The following RARB variants were observed in gnomAD, a reference collection of about 807,000 sequenced individuals.
RARB encodes the protein retinoic acid receptor beta.
RARB carries 17 observed loss-of-function variants against 51.9 expected under a neutral mutation model. The observed-to-expected ratio is 0.33, with a 90% confidence interval of 0.22 to 0.49. The LOEUF is 0.49. Ranked by LOEUF, RARB falls within the 20% of genes least tolerant of loss-of-function variation. RARB has a pLI of 0.99. For missense variants in RARB, 369 were observed against 550.8 expected, an observed-to-expected ratio of 0.67 and a Z score of 3.30; for synonymous variants, 215 against 195.4, an observed-to-expected ratio of 1.10 and a Z score of -0.84.
chr3:25,552,694 G>A (rs7609566), intron 3 of RARB, among the ~76,000 whole-genome samples: 250 of 152,122 alleles, frequency 1.6e-3, no homozygotes, highest in African/African-American at 5.7e-3. Context: ...TACTGCACCC[G>A]TCTAAAATGA....
intron 5 of RARB, among the ~76,000 whole-genome samples, chr3:25,192,812 T>G (rs1701137004): frequency 6.6e-6 from 1 of 151,968 alleles, no homozygotes; most frequent in Admixed American, 6.6e-5. Flanking sequence ...GACATGGTCT[T>G]ACTCATAATT....
At chr3:24,908,284 T>A (rs565646980) in intron 2 of RARB, among the ~76,000 whole-genome samples, 1 of 152,306 alleles carries the variant, frequency 6.6e-6, no homozygotes, top group Non-Finnish European at 1.5e-5. Context: ...TGCCTGAAGA[T>A]AACCTCTGTG....
At chr3:25,428,969 C>A in intron 1 of RARB, 81 bp downstream of exon 1, 1 of 1,440,110 alleles carries the variant, frequency 6.9e-7, no homozygotes, top group Non-Finnish European at 9.3e-7. Context: ...TGGAAATAAA[C>A]TGCATTGGTA....
chr3:25,106,475 T>C (rs1699506589), intron 3 of RARB, among the ~76,000 whole-genome samples: 2 of 135,960 alleles, frequency 1.5e-5, no homozygotes, highest in Admixed American at 7.6e-5. Context: ...TTTGTTTTGT[T>C]TTTTTTTTGT....
intron 2 of RARB, among the ~76,000 whole-genome samples, chr3:24,926,292 A>C (rs1178293933): frequency 6.7e-6 from 1 of 150,350 alleles, no homozygotes; most frequent in Non-Finnish European, 1.5e-5. Flanking sequence ...GTAAAATTGA[A>C]GCCTACTTTT....
intron 5 of RARB, among the ~76,000 whole-genome samples, chr3:25,177,689 C>T (rs1027523421): frequency 1.3e-5 from 2 of 152,196 alleles, no homozygotes; most frequent in Admixed American, 6.5e-5. Context: ...TCCCTTCTAA[C>T]TCTTGTCAGC....
chr3:25,531,472 C>T (rs991210004), intron 3 of RARB, among the ~76,000 whole-genome samples: 17 of 151,784 alleles, frequency 1.1e-4, no homozygotes, highest in Admixed American at 6.6e-4. Context: ...TGTGTGTGTG[C>T]GTGCGTGTGT....
intron 5 of RARB, among the ~76,000 whole-genome samples, chr3:25,208,367 T>C (rs1476222513): frequency 2.0e-5 from 3 of 152,244 alleles, no homozygotes; most frequent in Non-Finnish European, 2.9e-5. Context: ...CATCCACTTA[T>C]AGACAGTAAA....
intron 5 of RARB, among the ~76,000 whole-genome samples, chr3:25,386,181 G>T (rs1054982437): frequency 5.3e-5 from 8 of 152,138 alleles, no homozygotes; most frequent in Non-Finnish European, 7.3e-5. Flanking sequence ...TAACCCACTT[G>T]AGAAGTCAGA....
intron 1 of RARB, among the ~76,000 whole-genome samples, chr3:25,433,904 A>T (rs1708311092): frequency 6.6e-6 from 1 of 152,222 alleles, no homozygotes; most frequent in Non-Finnish European, 1.5e-5. Flanking sequence ...AGGAAGCAGG[A>T]GAGCCTAAGT....
chr3:25,130,184 A>G (rs1559477128), intron 3 of RARB, among the ~76,000 whole-genome samples: 2 of 152,076 alleles, frequency 1.3e-5, no homozygotes, highest in Non-Finnish European at 2.9e-5. Flanking sequence ...TAGGGGAATA[A>G]AGCAACTATT....
intron 3 of RARB, among the ~76,000 whole-genome samples, chr3:25,504,381 C>T (rs1697465064): frequency 6.6e-6 from 1 of 152,186 alleles, no homozygotes; most frequent in South Asian, 2.1e-4. Flanking sequence ...GGGACAGATT[C>T]TCATTGGCCT....
At chr3:25,575,471 C>G (rs1298779460) in intron 4 of RARB, among the ~76,000 whole-genome samples, 1 of 152,228 alleles carries the variant, frequency 6.6e-6, no homozygotes, top group Non-Finnish European at 1.5e-5. Flanking sequence ...TTTCTGGAAG[C>G]TAGAAGTCCA....
At chr3:25,081,216 A>G (rs1698988045) in intron 3 of RARB, among the ~76,000 whole-genome samples, 1 of 151,996 alleles carries the variant, frequency 6.6e-6, no homozygotes, top group Non-Finnish European at 1.5e-5. Flanking sequence ...ATATGTTGCT[A>G]ATTTTCAAGT....
At chr3:24,985,728 C>A (rs1696775536) in intron 2 of RARB, among the ~76,000 whole-genome samples, 1 of 152,164 alleles carries the variant, frequency 6.6e-6, no homozygotes, top group Non-Finnish European at 1.5e-5. Flanking sequence ...ATGAGCCATG[C>A]CTTCTCCAGA....
At chr3:25,437,117 C>CTTTTTTTTTTT (rs35238900) in intron 1 of RARB, among the ~76,000 whole-genome samples, 1 of 139,652 alleles carries the variant, frequency 7.2e-6, no homozygotes. Context: ...TAAAAGCAAA[C>CTTTTTTTTTTT]TTTTTTTTTT....
intron 5 of RARB, among the ~76,000 whole-genome samples, chr3:25,302,264 G>A (rs1704058335): frequency 6.6e-6 from 1 of 152,170 alleles, no homozygotes; most frequent in Non-Finnish European, 1.5e-5. Flanking sequence ...AAACTAGCAA[G>A]TCCACTCCTA....
At chr3:25,281,257 C>T (rs1703514674) in intron 5 of RARB, among the ~76,000 whole-genome samples, 1 of 152,176 alleles carries the variant, frequency 6.6e-6, no homozygotes, top group Admixed American at 6.5e-5. Context: ...ACAGTTTAGT[C>T]ACAAAGGGCC....
chr3:25,295,355 C>A (rs550124396), intron 5 of RARB, among the ~76,000 whole-genome samples: 1 of 152,248 alleles, frequency 6.6e-6, no homozygotes, highest in Admixed American at 6.5e-5. Flanking sequence ...TTGAGGGAGA[C>A]CCCTTTGTCC....
Sources: allele counts gnomAD v4.1 joint callset (sites outside exome capture counted in the v4.1 genomes callset), GRCh38; gene constraint gnomAD v4.1.1; transcripts MANE v1.5; gene names NCBI Gene and HGNC (gene_info 2026-07-23, HGNC 2026-07-21).